Variants in DNHD1 observed in about 807,000 individuals in gnomAD.
The protein encoded by DNHD1 is dynein heavy chain domain-containing protein 1.
In DNHD1, 383 loss-of-function variants were observed where a neutral mutation model predicts 458.1. The ratio of observed to expected loss-of-function variants is 0.84; its 90% CI spans 0.77 to 0.91. The LOEUF is 0.91. Among genes scored for constraint, DNHD1 ranks in the 40% least tolerant of loss-of-function variants. The pLI, the probability that DNHD1 is intolerant of heterozygous loss-of-function variation, is 0.00. For missense variants in DNHD1, 5,336 were observed against 5,866.1 expected, an observed-to-expected ratio of 0.91 and a Z score of 2.95; for synonymous variants, 2,203 against 2,376.9, an observed-to-expected ratio of 0.93 and a Z score of 2.13.
At chr11:6,512,418 T>C (rs1465942794) in intron 7 of DNHD1, among the ~76,000 whole-genome samples, 1 of 151,774 alleles carries the variant, frequency 6.6e-6, no homozygotes, top group African/African-American at 2.4e-5. Context: ...GAGATGGGGT[T>C]TCACTGTGTT....
intron 14 of DNHD1, among the ~76,000 whole-genome samples, chr11:6,538,028 T>C (rs1447951593): frequency 6.6e-6 from 1 of 152,204 alleles, no homozygotes; most frequent in African/African-American, 2.4e-5. Flanking sequence ...CCAGAAAGAA[T>C]AGACTGCTAG....
At chr11:6,570,224 A>G (rs770927577) in intron 40 of DNHD1, 23 bp from the exon 41 acceptor site, 3 of 1,613,602 alleles carry the variant, frequency 1.9e-6, no homozygotes, top group Admixed American at 1.7e-5. Flanking sequence ...ACTGGAACTG[A>G]GAGACTCTAA....
intron 6 of DNHD1, among the ~76,000 whole-genome samples, chr11:6,510,258 T>A (rs1453616030): frequency 2.6e-5 from 4 of 152,042 alleles, no homozygotes; most frequent in Non-Finnish European, 5.9e-5. Flanking sequence ...TAATTTTTTT[T>A]ATTTTTAGTA....
At chr11:6,521,653 T>C (rs749834416) in intron 10 of DNHD1, among the ~76,000 whole-genome samples, 1 of 152,224 alleles carries the variant, frequency 6.6e-6, no homozygotes, top group Non-Finnish European at 1.5e-5. Context: ...TTTAAACTTT[T>C]CTACAAAATT....
At position 6,564,008 on chromosome 11, in the gene DNHD1, G is replaced by A; in HGVS notation, c.10168G>A (p.Ala3390Thr). ...ALAKMVEDAQ[A>T]SHNCVAKTLS... is the part of the protein sequence containing the mutation. ...GGCTAAGATGGTGGAGGATGCCCAA[G>A]CTTCCCACAACTGCGTGGCAAAGAC... Residue 3390 changes from alanine (A) to threonine (T), a missense_variant, in exon 31 of 43, where the codon GCT becomes ACT. Coordinates refer to ENST00000254579, the MANE Select transcript of DNHD1 (RefSeq NM_144666.3). 6.4e-7 allele frequency: 1 copy of A among 1,551,726 alleles called. No individual in the cohort carries two copies. Among genetic ancestry groups the A allele is most frequent in the Non-Finnish European group, 8.7e-7 (1 of 1,146,986 alleles).
In DNHD1 at chr11:6,557,492, C is replaced by T; in HGVS notation, c.8197C>T (p.Pro2733Ser). 3.9e-6 allele frequency: 6 copies of T among 1,551,704 alleles called. No individual in the cohort carries two copies. Among genetic ancestry groups the T allele is most frequent in the Non-Finnish European group, 4.4e-6 (5 of 1,147,012 alleles). Residue 2733 changes from proline (P) to serine (S), a missense_variant, in exon 25 of 43, where the codon CCT (proline) becomes TCT (serine). By Grantham distance (74) the Pro-to-Ser change is moderately conservative (BLOSUM62 -1). This residue lies in a region of DNHD1 where 3,932 missense variants were observed against 4,365.6 expected (regional missense o/e 0.90). Coordinates refer to ENST00000254579, the MANE Select transcript of DNHD1 (RefSeq NM_144666.3). ...SNSETEEEEE[P>S]YGLQVARVSN... ...TAGTGAAACAGAGGAGGAAGAGGAA[C>T]CTTATGGCCTTCAGGTCGCCAGAGT...
intron 10 of DNHD1, chr11:6,520,772 C>T (rs1852589210): frequency 4.0e-6 from 4 of 996,540 alleles, no homozygotes; most frequent in Non-Finnish European, 4.8e-6. Context: ...TCAGTCTTCA[C>T]ACTTATTAAC....
In DNHD1 at chr11:6,548,076, G is replaced by A. The variant is rs757604954; in HGVS notation, c.6905+36G>A. The A allele has an allele frequency of 3.5e-5, 54 of 1,551,306 alleles. No homozygotes were observed. Among genetic ancestry groups the A allele is most frequent in the Non-Finnish European group, 4.6e-5 (53 of 1,146,762 alleles). Reference sequence around the variant, plus strand: ...GGATGGGGGATGGGAGATGCAGAGGGCTGAGATGGACTGGCCCATGGAAGT... The same window carrying A: ...GGATGGGGGATGGGAGATGCAGAGGACTGAGATGGACTGGCCCATGGAAGT... On this transcript the variant is annotated intron_variant, in intron 22 of 42. Coordinates refer to ENST00000254579, the MANE Select transcript of DNHD1 (RefSeq NM_144666.3). This position sits in a 1 kb window ranked among gnomAD's most constrained non-coding sequence, Gnocchi z 4.4.
At chr11:6,511,837 G>A (rs1271689729) in intron 7 of DNHD1, among the ~76,000 whole-genome samples, 1 of 152,190 alleles carries the variant, frequency 6.6e-6, no homozygotes, top group East Asian at 1.9e-4. Flanking sequence ...ATGCAATGAT[G>A]GAGTCCTTCT....
chr11:6,547,550 T>C lies in DNHD1; in HGVS notation c.6611T>C (p.Val2204Ala). ...TCQGVSSLLQ[V>A]HGQQAVCAGV... ...CAAGGTGTCAGCTCTCTGCTGCAGG[T>C]ACACGGGCAGCAGGCTGTTTGTGCA... The change falls in exon 21 of 43, where the codon GTA becomes GCA. Residue 2204 changes from valine (V) to alanine (A), a missense_variant. Val to Ala is a moderately conservative substitution (Grantham distance 64). This residue lies in a region of DNHD1 where 3,932 missense variants were observed against 4,365.6 expected (regional missense o/e 0.90). Coordinates refer to ENST00000254579, the MANE Select transcript of DNHD1 (RefSeq NM_144666.3). The C allele has an allele frequency of 6.4e-7, 1 of 1,551,140 alleles. No individual in the cohort carries two copies. Among genetic ancestry groups the C allele is most frequent in the South Asian group, 1.2e-5 (1 of 84,044 alleles).
At chr11:6,528,492 CA>C in intron 10 of DNHD1, 29 bp from the exon 11 acceptor site, 1 of 1,534,046 alleles carries the variant, frequency 6.5e-7, no homozygotes, top group Non-Finnish European at 8.8e-7. Context: ...GGAGGGTACT[CA>C]CGGACAATTA....
Position 6,548,458 on chromosome 11 carries a change from G to A in DNHD1, c.7098+56G>A, listed in dbSNP as rs573693715. On this transcript the variant is annotated intron_variant, in intron 23 of 42. Coordinates refer to ENST00000254579, the MANE Select transcript of DNHD1 (RefSeq NM_144666.3). This position sits in a 1 kb window ranked among gnomAD's most constrained non-coding sequence, Gnocchi z 4.4. ...TAGAACTTCAGGACTTATTTTAGGG[G>A]TAATCCATGTTCAAAGATCAGCTGA... 2.0e-6 allele frequency: 3 copies of A among 1,521,450 alleles called. No homozygotes were observed. The highest frequency in any genetic ancestry group is 2.1e-5 in the Admixed American group (1 of 47,988). 94.2% of individuals were successfully genotyped at this position (1,521,450 alleles called of 1,614,324 possible).
Position 6,546,802 on chromosome 11 carries a change from TTGG to T in DNHD1, c.5870_5872del (p.Val1957del). On this transcript the variant is annotated inframe_deletion, in exon 21 of 43. Coordinates refer to ENST00000254579, the MANE Select transcript of DNHD1 (RefSeq NM_144666.3). Reference sequence around the variant, plus strand: ...TATGACTTACAAGCTGATGAAGCCATTGGTGGTGGAGGAACTGCAACAGGTAGG... The same window carrying T: ...TATGACTTACAAGCTGATGAAGCCATTGGTGGAGGAACTGCAACAGGTAGG... 1 of 1,551,782 alleles carries T rather than the reference TTGG, an allele frequency of 6.4e-7. No individual in the cohort carries two copies. The highest frequency in any genetic ancestry group is 1.2e-5 in the South Asian group (1 of 84,062).
intron 7 of DNHD1, among the ~76,000 whole-genome samples, chr11:6,518,757 TATAC>T (rs1852543025): frequency 6.6e-6 from 1 of 152,200 alleles, no homozygotes; most frequent in Non-Finnish European, 1.5e-5. Context: ...CTTAGTCTCA[TATAC>T]AAAATCATCT....
At position 6,571,434 on chromosome 11, in the gene DNHD1, G is replaced by A. The variant is rs1406774705; in HGVS notation, c.13911+11G>A. On this transcript the variant is annotated intron_variant, in intron 42 of 42. Coordinates refer to ENST00000254579, the MANE Select transcript of DNHD1 (RefSeq NM_144666.3). The surrounding 1 kb of genome is among the most constrained non-coding windows in gnomAD (Gnocchi z 5.0). ...CCTCTGCACTTCAGGGTATCTTCGC[G>A]CCGCCCCTCGTTCGCGGTTCCAGTC... 1.3e-6 allele frequency: 2 copies of A among 1,569,822 alleles called. No individual in the cohort carries two copies. The highest frequency in any genetic ancestry group is 1.2e-5 in the South Asian group (1 of 85,684).
chr11:6,502,648 C>G, intron 3 of DNHD1, 105 bp from the exon 4 acceptor site: 1 of 1,050,360 alleles, frequency 9.5e-7, no homozygotes, highest in Non-Finnish European at 1.3e-6. Flanking sequence ...TCTCCTCAGG[C>G]ACCTGATCTA....
chr11:6,568,355 T>C, intron 37 of DNHD1, 99 bp from the exon 38 acceptor site: 1 of 1,574,168 alleles, frequency 6.4e-7, no homozygotes, highest in South Asian at 1.2e-5. Flanking sequence ...CACTTGGCCT[T>C]GTATCTGACT....
chr11:6,513,927 T>A (rs1316632294), intron 7 of DNHD1, among the ~76,000 whole-genome samples: 1 of 152,096 alleles, frequency 6.6e-6, no homozygotes, highest in African/African-American at 2.4e-5. Context: ...CACTGCAAGC[T>A]CTGCCTCCCG....
At chr11:6,536,775 ATG>A in intron 14 of DNHD1, among the ~76,000 whole-genome samples, 1 of 152,348 alleles carries the variant, frequency 6.6e-6, no homozygotes, top group East Asian at 1.9e-4. Context: ...TTATCTTTTC[ATG>A]TGTTTGGAGA....
Sources: allele counts gnomAD v4.1 joint callset (sites outside exome capture counted in the v4.1 genomes callset), GRCh38; gene constraint gnomAD v4.1.1; regional missense constraint gnomAD v4.1.1; non-coding constraint Gnocchi (gnomAD v3.1); transcripts MANE v1.5; gene names NCBI Gene and HGNC (gene_info 2026-07-23, HGNC 2026-07-21).